GRIA1: variants seen among roughly 807,000 people sequenced by gnomAD.
The protein encoded by GRIA1 is glutamate receptor 1.
GRIA1 carries 31 observed loss-of-function variants against 99.2 expected under a neutral mutation model. That is an observed-to-expected ratio of 0.31 (90% CI 0.23 to 0.42). The LOEUF is 0.42. Ranked by LOEUF, GRIA1 falls within the 10% of genes least tolerant of loss-of-function variation. The pLI is 1.00. For synonymous variants in GRIA1, 438 were observed against 432.4 expected, an observed-to-expected ratio of 1.01 and a Z score of -0.16; for missense variants, 782 against 1,157.5, an observed-to-expected ratio of 0.68 and a Z score of 4.71.
At chr5:153,755,147 C>A (rs574203638) in intron 11 of GRIA1, among the ~76,000 whole-genome samples, 1 of 152,130 alleles carries the variant, frequency 6.6e-6, no homozygotes, top group East Asian at 1.9e-4. Context: ...GAGCCAGGGG[C>A]CAGATCACAC....
intron 8 of GRIA1, among the ~76,000 whole-genome samples, chr5:153,693,661 A>G (rs2149506994): frequency 6.6e-6 from 1 of 152,344 alleles, no homozygotes; most frequent in African/African-American, 2.4e-5. Context: ...GATGGAAAAC[A>G]CGGAGATCAA....
At position 153,652,790 on chromosome 5, in the gene GRIA1, G is replaced by A. The variant is rs12520128; in HGVS notation, c.645+2276G>A. 9.6e-3 allele frequency among the ~76,000 whole-genome samples: 1,463 copies of A among 152,200 alleles called. 11 individuals are homozygous for A. The highest frequency in any genetic ancestry group is 0.015 in the Non-Finnish European group (1,018 of 67,990). ...ACATTTTATAGATAGAATGACTGAC[G>A]GTCAAATTGATTAAGTTATTTGCCT... On this transcript the variant is annotated intron_variant, in intron 4 of 15. Transcript: ENST00000285900.
At chr5:153,738,873 C>T (rs1581572356) in intron 11 of GRIA1, among the ~76,000 whole-genome samples, 2 of 151,890 alleles carry the variant, frequency 1.3e-5, no homozygotes, top group Admixed American at 1.3e-4. Flanking sequence ...CAGGCATGCA[C>T]CACCACGTCC....
At chr5:153,494,601 G>T (rs76437622) in intron 2 of GRIA1, among the ~76,000 whole-genome samples, 109 of 152,268 alleles carry the variant, frequency 7.2e-4, no homozygotes, top group Non-Finnish European at 1.1e-3. Flanking sequence ...GAGGAAATTG[G>T]TTGTTTAAGG....
intron 11 of GRIA1, among the ~76,000 whole-genome samples, chr5:153,746,242 C>T (rs911982290): frequency 3.4e-4 from 51 of 152,174 alleles, no homozygotes; most frequent in African/African-American, 1.2e-3. Flanking sequence ...TTCCTGCCTC[C>T]GACTGCTGTT....
Position 153,490,775 on chromosome 5 carries a change from G to A in GRIA1, c.-114G>A. The stretch of plus-strand genomic sequence containing the variant: ...GGAAGGAAGCAAGCAAGCAAGGAAG[G>A]AACTGCAGGAGGAAAAGAACAGGCA... On this transcript the variant is annotated 5_prime_UTR_variant, in exon 1 of 16. Coordinates refer to ENST00000285900, the MANE Select transcript of GRIA1 (RefSeq NM_000827.4). 2 of 814,966 alleles carry A rather than the reference G, an allele frequency of 2.5e-6. No homozygotes were observed. The allele number at this position is 814,966 out of a possible 1,614,324, so 50.5% of individuals were successfully genotyped here.
In GRIA1 at chr5:153,764,394, G is replaced by T. The variant is rs556224396; in HGVS notation, c.1824-40G>T. 2.6e-6 allele frequency: 4 copies of T among 1,513,324 alleles called. No homozygotes were observed. The South Asian group carries it at 4.5e-5, about 17-fold the overall frequency. The allele number at this position is 1,513,324 out of a possible 1,614,324, so 93.7% of individuals were successfully genotyped here. On this transcript the variant is annotated intron_variant, in intron 11 of 15. Coordinates refer to ENST00000285900, the MANE Select transcript of GRIA1 (RefSeq NM_000827.4). The stretch of plus-strand genomic sequence containing the variant: ...TCCCTCCCCAGAGCTTTCCACAGTT[G>T]ATGTCCATGCTGCTGATGCCTCTTC...
intron 2 of GRIA1, among the ~76,000 whole-genome samples, chr5:153,596,028 T>TA (rs5872327): frequency 0.64 from 94,200 of 147,560 alleles, 31,412 homozygotes; most frequent in East Asian, 0.91. Flanking sequence ...ATATAGACAA[T>TA]AAAAAAAAAA....
intron 5 of GRIA1, among the ~76,000 whole-genome samples, chr5:153,658,838 C>T (rs1266692077): frequency 6.6e-6 from 1 of 152,160 alleles, no homozygotes; most frequent in Non-Finnish European, 1.5e-5. Context: ...TAGCCAGCAG[C>T]ATTCTTTTAG....
chr5:153,591,434 T>C (rs1339140109), intron 2 of GRIA1, among the ~76,000 whole-genome samples: 1 of 152,226 alleles, frequency 6.6e-6, no homozygotes, highest in Non-Finnish European at 1.5e-5. Flanking sequence ...AACACATCCC[T>C]ATACCAACTA....
intron 5 of GRIA1, among the ~76,000 whole-genome samples, chr5:153,663,208 T>C (rs1755498425): frequency 6.6e-6 from 1 of 152,190 alleles, no homozygotes; most frequent in African/African-American, 2.4e-5. Context: ...AAAAGTAAGA[T>C]TCTGGTCCCA....
chr5:153,628,741 G>GT (rs951478421), intron 2 of GRIA1, among the ~76,000 whole-genome samples: 24 of 151,886 alleles, frequency 1.6e-4, no homozygotes, highest in Middle Eastern at 3.4e-3. Flanking sequence ...TTGTTTGTGG[G>GT]TTTTTTTTCT....
intron 10 of GRIA1, among the ~76,000 whole-genome samples, chr5:153,699,959 A>G (rs914755985): frequency 6.6e-6 from 1 of 152,236 alleles, no homozygotes; most frequent in Non-Finnish European, 1.5e-5. Context: ...TATGGGGTAG[A>G]AAAGACAATG....
chr5:153,578,458 G>A (rs1055803712), intron 2 of GRIA1, among the ~76,000 whole-genome samples: 1 of 152,202 alleles, frequency 6.6e-6, no homozygotes, highest in African/African-American at 2.4e-5. Flanking sequence ...TGGCAAGGGA[G>A]AGAGTGATAG....
In GRIA1 at chr5:153,775,279, A is replaced by C. The variant is rs151219623; in HGVS notation, c.2270+4864A>C. Reference sequence around the variant, plus strand: ...ATCCACACCAGATTGGCCTCAGTTAAAATGTCACCTGATGATTCTCTTTCA... The same window carrying C: ...ATCCACACCAGATTGGCCTCAGTTACAATGTCACCTGATGATTCTCTTTCA... On this transcript the variant is annotated intron_variant, in intron 13 of 15. Coordinates refer to ENST00000285900, the MANE Select transcript of GRIA1 (RefSeq NM_000827.4). Among the ~76,000 whole-genome samples, 436 of 152,374 alleles carry C rather than the reference A, an allele frequency of 2.9e-3. 4 individuals are homozygous for C. Among genetic ancestry groups the C allele is most frequent in the African/African-American group, 0.01 (427 of 41,590 alleles).
chr5:153,735,484 C>T (rs1761320448), intron 11 of GRIA1, among the ~76,000 whole-genome samples: 1 of 152,120 alleles, frequency 6.6e-6, no homozygotes, highest in Non-Finnish European at 1.5e-5. Context: ...CTTTTTTATG[C>T]AAATAACCAA....
At chr5:153,741,684 A>G (rs1049978578) in intron 11 of GRIA1, among the ~76,000 whole-genome samples, 4 of 152,294 alleles carry the variant, frequency 2.6e-5, no homozygotes, top group South Asian at 2.1e-4. Flanking sequence ...TTCCACTTAT[A>G]TGAGATATCT....
At chr5:153,705,103 A>C (rs1187519677) in intron 10 of GRIA1, among the ~76,000 whole-genome samples, 1 of 152,160 alleles carries the variant, frequency 6.6e-6, no homozygotes, top group Non-Finnish European at 1.5e-5. Context: ...ATACAGAGGG[A>C]TGTATTGACA....
At chr5:153,618,177 G>C (rs1766695446) in intron 2 of GRIA1, among the ~76,000 whole-genome samples, 1 of 152,196 alleles carries the variant, frequency 6.6e-6, no homozygotes, top group Non-Finnish European at 1.5e-5. Flanking sequence ...GATAAGGCTT[G>C]AATGGTCTAA....
Sources: gnomAD v4.1 joint callset for allele counts (sites outside exome capture counted in the v4.1 genomes callset) on GRCh38, gnomAD v4.1.1 for gene constraint, MANE v1.5 for transcripts, NCBI Gene and HGNC (gene_info 2026-07-23, HGNC 2026-07-21) for gene names.